Variants in STAU2 observed in about 807,000 individuals in gnomAD.
The protein encoded by STAU2 is staufen double-stranded RNA binding protein 2, also known as double-stranded RNA-binding protein Staufen homolog 2.
Under a neutral mutation model 65.9 loss-of-function variants are expected in STAU2, and 20 were observed. The observed-to-expected ratio is 0.30, with a 90% CI of 0.21 to 0.44. The LOEUF is 0.44. Ranked by LOEUF, STAU2 falls within the 20% of genes least tolerant of loss-of-function variation. The probability of loss-of-function intolerance (pLI) is 1.00; values close to 1 mark genes in which losing one functional copy is unlikely to be tolerated. For synonymous variants in STAU2, 232 were observed against 233.9 expected, an observed-to-expected ratio of 0.99 and a Z score of 0.07; for missense variants, 558 against 683.9, an observed-to-expected ratio of 0.82 and a Z score of 2.05.
chr8:73,471,008 T>G (rs1456810907), intron 13 of STAU2, among the ~76,000 whole-genome samples: 1 of 152,120 alleles, frequency 6.6e-6, no homozygotes, highest in Admixed American at 6.6e-5. Flanking sequence ...GTCTTCTCTT[T>G]AACCTCCACT....
intron 6 of STAU2, among the ~76,000 whole-genome samples, chr8:73,648,646 T>G (rs961903865): frequency 6.6e-5 from 10 of 152,220 alleles, no homozygotes; most frequent in African/African-American, 2.4e-4. Context: ...AGCATGGTGA[T>G]AAGTATACAA....
At chr8:73,571,396 C>T (rs1215960561) in intron 12 of STAU2, among the ~76,000 whole-genome samples, 3 of 152,152 alleles carry the variant, frequency 2.0e-5, no homozygotes, top group Admixed American at 2.0e-4. Context: ...ACCAAGTGGA[C>T]CTAATAGACA....
intron 13 of STAU2, among the ~76,000 whole-genome samples, chr8:73,543,035 T>C (rs183242105): frequency 3.2e-4 from 48 of 152,148 alleles, no homozygotes; most frequent in South Asian, 1.7e-3. Context: ...AACCCAAATG[T>C]CCATCAACAG....
chr8:73,443,184 G>GA (rs1199757604), intron 13 of STAU2, among the ~76,000 whole-genome samples: 6 of 151,594 alleles, frequency 4.0e-5, no homozygotes, highest in Non-Finnish European at 5.9e-5. Context: ...AGCCCAGGAG[G>GA]AAAAAAAAGG....
intron 13 of STAU2, chr8:73,551,796 C>G: frequency 8.3e-7 from 1 of 1,210,952 alleles, no homozygotes; most frequent in Non-Finnish European, 1.0e-6. Flanking sequence ...GGAGAAGAGA[C>G]AGGCAGCAAA....
chr8:73,635,689 G>C (rs1050683006), intron 6 of STAU2, among the ~76,000 whole-genome samples: 3 of 151,970 alleles, frequency 2.0e-5, no homozygotes, highest in Non-Finnish European at 2.9e-5. Context: ...GCCAGGCATG[G>C]TGGCAGGCAA....
At chr8:73,687,286 A>ATTTATT (rs1818931282) in intron 5 of STAU2, among the ~76,000 whole-genome samples, 3 of 2,884 alleles carry the variant, frequency 1.0e-3, no homozygotes, top group Middle Eastern at 0.17. Flanking sequence ...ATTTATAAAA[A>ATTTATT]TTTATATTTA....
intron 13 of STAU2, 65 bp downstream of exon 13, chr8:73,551,947 T>C: frequency 6.6e-7 from 1 of 1,505,794 alleles, no homozygotes; most frequent in South Asian, 1.4e-5. Context: ...CCTTGTGATG[T>C]ATACAGATGA....
intron 13 of STAU2, among the ~76,000 whole-genome samples, chr8:73,481,013 G>T (rs1161928224): frequency 6.6e-6 from 1 of 152,102 alleles, no homozygotes. Context: ...ACATATAAAA[G>T]AATACATATA....
intron 13 of STAU2, among the ~76,000 whole-genome samples, chr8:73,424,041 C>T (rs1054225172): frequency 4.6e-5 from 7 of 151,938 alleles, no homozygotes; most frequent in African/African-American, 1.2e-4. Flanking sequence ...CCTCTGTGCC[C>T]CACCTATTCA....
intron 3 of STAU2, among the ~76,000 whole-genome samples, chr8:73,711,264 A>C (rs1820884458): frequency 6.6e-6 from 1 of 152,070 alleles, no homozygotes; most frequent in East Asian, 1.9e-4. Flanking sequence ...AAATTTTATA[A>C]AACATCCTGT....
At position 73,595,018 on chromosome 8, in the gene STAU2, A is replaced by C. The variant is rs116959471; in HGVS notation, c.1161+148T>G. Reference sequence around the variant, plus strand: ...TCATTAATATCTCATCTTACTCCATATGTTATTTTGTGCTTGGATCATCTA... The same window carrying C: ...TCATTAATATCTCATCTTACTCCATCTGTTATTTTGTGCTTGGATCATCTA... On this transcript the variant is annotated intron_variant, in intron 11 of 14. Coordinates refer to ENST00000524300, the MANE Select transcript of STAU2 (RefSeq NM_001164380.2). 115 of 545,568 alleles carry C rather than the reference A, an allele frequency of 2.1e-4. No homozygotes were observed. The East Asian group carries it at 3.5e-3, about 17-fold the overall frequency. The allele number at this position is 545,568 out of a possible 1,614,324, so 33.8% of individuals were successfully genotyped here.
intron 12 of STAU2, among the ~76,000 whole-genome samples, chr8:73,560,410 C>G (rs1808138878): frequency 6.6e-6 from 1 of 152,154 alleles, no homozygotes; most frequent in Admixed American, 6.5e-5. Context: ...GCTCAAAAAG[C>G]ATAACCTGAA....
chr8:73,694,707 G>A (rs564176364), intron 4 of STAU2, among the ~76,000 whole-genome samples: 1 of 152,346 alleles, frequency 6.6e-6, no homozygotes, highest in East Asian at 1.9e-4. Flanking sequence ...ATTGAGGAGG[G>A]TAGGAGAGTC....
chr8:73,551,169 T>C (rs62508211), intron 13 of STAU2: 1 of 987,442 alleles, frequency 1.0e-6, no homozygotes, highest in African/African-American at 1.7e-5. Context: ...GACACAGATA[T>C]TTCCCCTTCC....
At chr8:73,635,770 A>G (rs1814446071) in intron 6 of STAU2, among the ~76,000 whole-genome samples, 1 of 151,742 alleles carries the variant, frequency 6.6e-6, no homozygotes, top group Non-Finnish European at 1.5e-5. Flanking sequence ...GGTTGCAGTG[A>G]GCCGAGACCG....
At chr8:73,675,087 C>T (rs1817943464) in intron 5 of STAU2, among the ~76,000 whole-genome samples, 1 of 151,520 alleles carries the variant, frequency 6.6e-6, no homozygotes, top group Non-Finnish European at 1.5e-5. Context: ...AAAATTATAT[C>T]AACTACTCTC....
intron 1 of STAU2, among the ~76,000 whole-genome samples, chr8:73,740,445 T>C (rs1806769251): frequency 6.6e-6 from 1 of 152,148 alleles, no homozygotes; most frequent in South Asian, 2.1e-4. Context: ...AACTTCAAAG[T>C]GGCAAATTAT....
At chr8:73,715,339 C>T (rs1249220517) in intron 3 of STAU2, among the ~76,000 whole-genome samples, 4 of 151,222 alleles carry the variant, frequency 2.6e-5, no homozygotes, top group Non-Finnish European at 2.9e-5. Flanking sequence ...GCCTGTAGTC[C>T]GAGCTATTCG....
Sources: allele counts gnomAD v4.1 joint callset (sites outside exome capture counted in the v4.1 genomes callset), GRCh38; gene constraint gnomAD v4.1.1; transcripts MANE v1.5; gene names NCBI Gene and HGNC (gene_info 2026-07-23, HGNC 2026-07-21).